The following NBPF9 variants were observed in gnomAD, a reference collection of about 807,000 sequenced individuals.
NBPF9 encodes the protein NBPF family member NBPF9.
Under a neutral mutation model 97.8 loss-of-function variants are expected in NBPF9, and 91 were observed. The ratio of observed to expected loss-of-function variants is 0.93; its 90% CI spans 0.79 to 1.11. The LOEUF (loss-of-function observed/expected upper bound fraction) is 1.11. Ranked by LOEUF, NBPF9 falls within the 50% of genes least tolerant of loss-of-function variation. The pLI is 0.00. For missense variants in NBPF9, 992 were observed against 939.5 expected (o/e 1.06, Z -0.73); for synonymous variants, 334 against 359.5 (o/e 0.93, Z 0.80).
chr1:149,055,956 C>T (rs78376309), intron 29 of NBPF9, 57 bp from the exon 30 acceptor site: 18 of 1,611,612 alleles, frequency 1.1e-5, no homozygotes, highest in South Asian at 8.8e-5. Flanking sequence ...ACCACAGAGC[C>T]CCACTAGATT....
intron 13 of NBPF9, 90 bp from the exon 14 acceptor site, chr1:149,073,022 T>C (rs1184748862): frequency 7.0e-7 from 1 of 1,426,704 alleles, no homozygotes; most frequent in African/African-American, 1.4e-5. Context: ...AACAGTGTCC[T>C]CAAGGAGACC....
intron 21 of NBPF9, 113 bp downstream of exon 21, chr1:149,062,749 G>T: frequency 1.3e-6 from 1 of 769,610 alleles, no homozygotes; most frequent in Non-Finnish European, 2.4e-6. Context: ...ATGGCAGTAG[G>T]AGTAATTCAA....
intron 16 of NBPF9, 106 bp downstream of exon 16, chr1:149,070,828 A>T: frequency 6.9e-7 from 1 of 1,457,146 alleles, no homozygotes; most frequent in Non-Finnish European, 9.6e-7. Flanking sequence ...TTAGAAACCC[A>T]TCACAGTTTT....
chr1:149,087,799 C>T (rs1244385872), intron 5 of NBPF9, among the ~76,000 whole-genome samples: 2 of 146,226 alleles, frequency 1.4e-5, no homozygotes, highest in African/African-American at 2.5e-5. Flanking sequence ...TTTTGTTGTA[C>T]TGGCCTTACA....
intron 14 of NBPF9, among the ~76,000 whole-genome samples, chr1:149,072,237 T>C (rs1178890706): frequency 6.6e-6 from 1 of 151,874 alleles, no homozygotes; most frequent in Non-Finnish European, 1.5e-5. Context: ...CTTCATCTCA[T>C]TTTGGAAAGC....
At chr1:149,083,041 C>T (rs1435719426) in intron 5 of NBPF9, among the ~76,000 whole-genome samples, 1 of 138,284 alleles carries the variant, frequency 7.2e-6, no homozygotes, top group Non-Finnish European at 1.5e-5. Flanking sequence ...GATCTCCTGA[C>T]CTCGTGATCT....
intron 4 of NBPF9, among the ~76,000 whole-genome samples, chr1:149,094,892 T>G (rs879994037): frequency 2.1e-5 from 3 of 146,300 alleles, no homozygotes; most frequent in Non-Finnish European, 4.4e-5. Flanking sequence ...TTAAATGATA[T>G]TGACAGATTA....
At chr1:149,091,634 G>A (rs1398656729) in intron 4 of NBPF9, among the ~76,000 whole-genome samples, 5 of 148,510 alleles carry the variant, frequency 3.4e-5, no homozygotes, top group African/African-American at 1.2e-4. Context: ...AGACCCACAG[G>A]ACAGAGGGTC....
At chr1:149,064,095 C>T (rs1481619011) in intron 19 of NBPF9, among the ~76,000 whole-genome samples, 12 of 138,270 alleles carry the variant, frequency 8.7e-5, no homozygotes, top group African/African-American at 3.2e-4. Context: ...AAAGGACACT[C>T]TGTATTTGTG....
intron 5 of NBPF9, among the ~76,000 whole-genome samples, chr1:149,086,956 TAG>T (rs1424805042): frequency 6.6e-6 from 1 of 152,084 alleles, no homozygotes; most frequent in Non-Finnish European, 1.5e-5. Context: ...AAGAAACTGT[TAG>T]ATTTTCAAAG....
chr1:149,052,211 A>T (rs1258429516), downstream of NBPF9, among the ~76,000 whole-genome samples: 3 of 151,740 alleles, frequency 2.0e-5, no homozygotes, highest in Admixed American at 1.3e-4. Context: ...TTTATTATCA[A>T]TAAACACAAA....
intron 12 of NBPF9, among the ~76,000 whole-genome samples, chr1:149,075,262 A>C (rs1476115837): frequency 6.6e-6 from 1 of 152,148 alleles, no homozygotes; most frequent in African/African-American, 2.4e-5. Context: ...GGGCCTCAAC[A>C]GAAACTTGAA....
intron 19 of NBPF9, 98 bp from the exon 20 acceptor site, chr1:149,063,903 A>C: frequency 1.5e-6 from 1 of 664,172 alleles, no homozygotes; most frequent in Non-Finnish European, 2.7e-6. Flanking sequence ...GAGTTTGAAA[A>C]GAAAAAGGAC....
intron 13 of NBPF9, among the ~76,000 whole-genome samples, chr1:149,073,177 A>C (rs1205098113): frequency 6.7e-6 from 1 of 148,776 alleles, no homozygotes; most frequent in Non-Finnish European, 1.5e-5. Flanking sequence ...TTCTGTAAAC[A>C]AAAGTAGGTG....
At chr1:149,067,227 G>C (rs1464524226) in intron 17 of NBPF9, among the ~76,000 whole-genome samples, 3 of 132,816 alleles carry the variant, frequency 2.3e-5, no homozygotes, top group African/African-American at 8.7e-5. Flanking sequence ...CAAGCCAGAA[G>C]AGAGTGGGAG....
chr1:149,085,554 G>A lies in NBPF9; in HGVS notation c.-194-3124C>T, dbSNP rs1183600382. Among the ~76,000 whole-genome samples the A allele has an allele frequency of 5.4e-3, 828 of 152,190 alleles. 21 individuals carry two copies. The highest frequency in any genetic ancestry group is 0.04 in the Admixed American group (614 of 15,284). On this transcript the variant is annotated intron_variant, in intron 5 of 29. Coordinates refer to ENST00000584027, the Ensembl canonical transcript of NBPF9. ...TGATGTAATATGCTAACAAAATTGA[G>A]TCTTCCAATCAATGAACATTATATA...
At chr1:149,060,915 A>G in intron 23 of NBPF9, 1 of 406,330 alleles carries the variant, frequency 2.5e-6, no homozygotes, top group South Asian at 2.9e-5. Flanking sequence ...ACACACACAC[A>G]CACACACACA....
intron 13 of NBPF9, 126 bp downstream of exon 13, chr1:149,073,642 G>A (rs3979919): frequency 1.9e-5 from 14 of 749,932 alleles, no homozygotes; most frequent in African/African-American, 6.9e-5. Flanking sequence ...TGTGTGTAGC[G>A]AGCCTGCCAT....
intron 24 of NBPF9, 200 bp from the exon 25 acceptor site, chr1:149,060,008 G>A (rs1559518128): frequency 2.6e-6 from 1 of 383,646 alleles, no homozygotes; most frequent in Non-Finnish European, 4.7e-6. Flanking sequence ...TGGGTAAAAT[G>A]TCCCTATTCT....
Sources: gnomAD v4.1 joint callset for allele counts (sites outside exome capture counted in the v4.1 genomes callset) on GRCh38, gnomAD v4.1.1 for gene constraint, MANE v1.5 for transcripts, NCBI Gene and HGNC (gene_info 2026-07-23, HGNC 2026-07-21) for gene names.